Variants in KIF26B observed in about 807,000 individuals in gnomAD.
The protein encoded by KIF26B is kinesin family member 26B, also known as kinesin-like protein KIF26B.
In KIF26B, 63 loss-of-function variants were observed where a neutral mutation model predicts 151.2. That is an observed-to-expected ratio of 0.42 (90% CI 0.34 to 0.51). The LOEUF is 0.51. Among genes scored for constraint, KIF26B ranks in the 20% least tolerant of loss-of-function variants. KIF26B has a pLI of 0.07. For synonymous variants in KIF26B, 1,357 were observed against 1,262.1 expected (o/e 1.08, Z -1.59); for missense variants, 2,813 against 2,913.6 (o/e 0.97, Z 0.79).
chr1:245,664,257 A>G (rs6703975), intron 10 of KIF26B, among the ~76,000 whole-genome samples: 102,825 of 151,136 alleles, frequency 0.68, 35,115 homozygotes, highest in East Asian at 0.82. Flanking sequence ...AATCCCAGCA[A>G]CTGAGGCAGG....
chr1:245,182,865 G>A (rs193273030), intron 2 of KIF26B, among the ~76,000 whole-genome samples: 1 of 152,288 alleles, frequency 6.6e-6, no homozygotes, highest in Admixed American at 6.5e-5. Flanking sequence ...TTGAACCTCT[G>A]ACCCTCGTGA....
chr1:245,552,059 C>T (rs1021005270), intron 5 of KIF26B, among the ~76,000 whole-genome samples: 10 of 126,208 alleles, frequency 7.9e-5, no homozygotes, highest in African/African-American at 3.1e-4. Context: ...TCATAGGTGT[C>T]ATAGGTGCTC....
At position 245,666,887 on chromosome 1, in the gene KIF26B, G is replaced by A. The variant is rs1197454167; in HGVS notation, c.2259-17346G>A. 3.9e-5 allele frequency among the ~76,000 whole-genome samples: 6 copies of A among 152,136 alleles called. No homozygotes were observed. The East Asian group carries it at 5.8e-4, about 15-fold the overall frequency. ...TGGTAACCCAGACACAGCTAACAGC[G>A]GGGTCTGAGTGGCTTGGCCAGAGTC... On this transcript the variant is annotated intron_variant, in intron 10 of 14. Coordinates refer to ENST00000407071, the MANE Select transcript of KIF26B (RefSeq NM_018012.4).
At position 245,495,335 on chromosome 1, in the gene KIF26B, T is replaced by A. The variant is rs529539255; in HGVS notation, c.1167-45432T>A. Among the ~76,000 whole-genome samples, 26 of 152,298 alleles carry A rather than the reference T, an allele frequency of 1.7e-4. No homozygotes were observed. The highest frequency in any genetic ancestry group is 1.7e-3 in the South Asian group (8 of 4,826). On this transcript the variant is annotated intron_variant, in intron 4 of 14. Transcript: ENST00000407071. The surrounding 1 kb of genome is among the most constrained non-coding windows in gnomAD (Gnocchi z 4.2). The stretch of plus-strand genomic sequence containing the variant: ...GGCAGAAGCAATATATTTTTCTTTT[T>A]CTTTTTAGTTGACACATAATAATTG...
chr1:245,172,003 A>G (rs1229333321), intron 2 of KIF26B, among the ~76,000 whole-genome samples: 3 of 152,240 alleles, frequency 2.0e-5, no homozygotes, highest in Non-Finnish European at 4.4e-5. Flanking sequence ...ACTTTTAGAC[A>G]GCGACCTCCT....
chr1:245,501,605 G>A (rs143805847), intron 4 of KIF26B, among the ~76,000 whole-genome samples: 48 of 152,296 alleles, frequency 3.2e-4, no homozygotes, highest in African/African-American at 9.9e-4. Flanking sequence ...GTTTTTATCC[G>A]CAGAGCACTT....
At position 245,227,254 on chromosome 1, in the gene KIF26B, A is replaced by C. The variant is rs1669895155; in HGVS notation, c.465+70571A>C. Among the ~76,000 whole-genome samples the C allele has an allele frequency of 6.6e-6, 1 of 152,240 alleles. No individual in the cohort carries two copies. The highest frequency in any genetic ancestry group is 6.5e-5 in the Admixed American group (1 of 15,276). ...TTAAGCCAGGATTTGCTTACCTGGA[A>C]GGTCCAGAAAGAAATTCCCCTTCCT... On this transcript the variant is annotated intron_variant, in intron 2 of 14. Transcript: ENST00000407071. This position sits in a 1 kb window ranked among gnomAD's most constrained non-coding sequence, Gnocchi z 4.1.
chr1:245,374,995 C>T (rs1478044461), intron 3 of KIF26B, among the ~76,000 whole-genome samples: 4 of 152,256 alleles, frequency 2.6e-5, no homozygotes, highest in Non-Finnish European at 5.9e-5. Context: ...CCCTAATCCC[C>T]GCAATCTGTG....
chr1:245,407,488 TTC>T (rs979056880), intron 3 of KIF26B, among the ~76,000 whole-genome samples: 1 of 152,196 alleles, frequency 6.6e-6, no homozygotes, highest in Non-Finnish European at 1.5e-5. Context: ...TTGTTCTTTT[TTC>T]TCTCTTTGTT....
intron 4 of KIF26B, among the ~76,000 whole-genome samples, chr1:245,428,298 G>A: frequency 6.6e-6 from 1 of 152,116 alleles, no homozygotes; most frequent in East Asian, 1.9e-4. Flanking sequence ...TATGAATATG[G>A]TCTCACTTTA....
chr1:245,293,681 C>A (rs1451965903), intron 2 of KIF26B, among the ~76,000 whole-genome samples: 1 of 151,504 alleles, frequency 6.6e-6, no homozygotes, highest in Non-Finnish European at 1.5e-5. Context: ...CGGGTTCAAG[C>A]AATTCTCCTG....
At position 245,698,743 on chromosome 1, in the gene KIF26B, G is replaced by A; in HGVS notation, c.6028-144G>A. 1 of 971,524 alleles carries A rather than the reference G, an allele frequency of 1.0e-6. No individual in the cohort carries two copies. The highest frequency in any genetic ancestry group is 2.7e-5 in the Admixed American group (1 of 37,064). The allele number at this position is 971,524 out of a possible 1,614,324, so 60.2% of individuals were successfully genotyped here. ...GGTGTCTGAATTGAGGTCTGTCAAG[G>A]GAGAATTTGGTGGGGATGACCCATG... On this transcript the variant is annotated intron_variant, in intron 13 of 14. Transcript: ENST00000407071. This position sits in a 1 kb window ranked among gnomAD's most constrained non-coding sequence, Gnocchi z 4.0.
chr1:245,204,544 T>C (rs2103539861), intron 2 of KIF26B, among the ~76,000 whole-genome samples: 1 of 152,216 alleles, frequency 6.6e-6, no homozygotes, highest in Non-Finnish European at 1.5e-5. Context: ...CAGCTAATTT[T>C]TGTATTTTTA....
chr1:245,505,574 G>T (rs1039287559), intron 4 of KIF26B, among the ~76,000 whole-genome samples: 1 of 151,878 alleles, frequency 6.6e-6, no homozygotes, highest in Non-Finnish European at 1.5e-5. Flanking sequence ...TAGTAGAGAC[G>T]GGGTTTCACC....
intron 5 of KIF26B, among the ~76,000 whole-genome samples, chr1:245,546,351 G>A (rs1051681216): frequency 1.3e-5 from 2 of 152,100 alleles, no homozygotes; most frequent in African/African-American, 4.8e-5. Flanking sequence ...CTAAAATACT[G>A]TTTTTAAAAA....
intron 2 of KIF26B, among the ~76,000 whole-genome samples, chr1:245,273,787 A>G (rs1019289994): frequency 6.6e-6 from 1 of 152,214 alleles, no homozygotes; most frequent in African/African-American, 2.4e-5. Context: ...TAGACAGCAT[A>G]TAGCTGAAGC....
intron 2 of KIF26B, among the ~76,000 whole-genome samples, chr1:245,355,608 AAAAAG>A (rs1466894342): frequency 2.3e-3 from 300 of 127,852 alleles, no homozygotes; most frequent in African/African-American, 0.015. Context: ...AAAAAAAAAA[AAAAAG>A]AAGAAGAAGA....
chr1:245,433,160 T>C (rs947338248), intron 4 of KIF26B, among the ~76,000 whole-genome samples: 2 of 152,062 alleles, frequency 1.3e-5, no homozygotes, highest in Non-Finnish European at 2.9e-5. Flanking sequence ...TTCAAGAGAC[T>C]CAAATATTTA....
At chr1:245,372,912 T>C (rs1019858369) in intron 3 of KIF26B, among the ~76,000 whole-genome samples, 3 of 152,202 alleles carry the variant, frequency 2.0e-5, no homozygotes, top group African/African-American at 7.2e-5. Flanking sequence ...TTAGTCTATT[T>C]CCTCACCTAT....
Sources: allele counts gnomAD v4.1 joint callset (sites outside exome capture counted in the v4.1 genomes callset), GRCh38; gene constraint gnomAD v4.1.1; non-coding constraint Gnocchi (gnomAD v3.1); transcripts MANE v1.5; gene names NCBI Gene and HGNC (gene_info 2026-07-23, HGNC 2026-07-21).